The following PRKN variants were observed in gnomAD, a reference collection of about 807,000 sequenced individuals.
PRKN encodes the protein parkin RBR E3 ubiquitin protein ligase.
PRKN carries 56 observed loss-of-function variants against 59.5 expected under a neutral mutation model. The ratio of observed to expected loss-of-function variants is 0.94; its 90% confidence interval spans 0.76 to 1.18. PRKN has a LOEUF of 1.18. PRKN is among the 50% of genes most tolerant of loss of function. The pLI is 0.00. For synonymous variants in PRKN, 250 were observed against 222.1 expected (o/e 1.13, Z -1.12); for missense variants, 657 against 596.4 (o/e 1.10, Z -1.06).
At chr6:162,691,076 C>A (rs1404736959) in intron 1 of PRKN, among the ~76,000 whole-genome samples, 2 of 152,034 alleles carry the variant, frequency 1.3e-5, no homozygotes, top group Non-Finnish European at 2.9e-5. Flanking sequence ...AATAGAATTT[C>A]ACCAGAATTA....
intron 4 of PRKN, among the ~76,000 whole-genome samples, chr6:162,162,363 C>T (rs1220309626): frequency 1.3e-5 from 2 of 152,146 alleles, no homozygotes; most frequent in African/African-American, 2.4e-5. Flanking sequence ...TACCAATTTA[C>T]ATCAGGAACT....
In PRKN at chr6:161,529,284, A is replaced by G. The variant is rs1426436502; in HGVS notation, c.1083+19570T>C. The stretch of plus-strand genomic sequence containing the variant: ...AGACAATGATGGGGATGATGTTGAC[A>G]CCTGGTTGTGGCTGACGGCTGTGTC... On this transcript the variant is annotated intron_variant, in intron 9 of 11. Transcript: ENST00000366898. This position sits in a 1 kb window ranked among gnomAD's most constrained non-coding sequence, Gnocchi z 4.4. Among the ~76,000 whole-genome samples, 1 of 152,154 alleles carries G rather than the reference A, an allele frequency of 6.6e-6. No homozygotes were observed. The highest frequency in any genetic ancestry group is 1.5e-5 in the Non-Finnish European group (1 of 68,024).
intron 7 of PRKN, among the ~76,000 whole-genome samples, chr6:161,631,794 C>CAA (rs56682409): frequency 1.7e-5 from 2 of 120,076 alleles, no homozygotes; most frequent in Non-Finnish European, 4.1e-5. Context: ...CACACACACA[C>CAA]CCCACACACA....
intron 4 of PRKN, among the ~76,000 whole-genome samples, chr6:162,102,825 C>T (rs1333163622): frequency 1.4e-5 from 2 of 144,996 alleles, no homozygotes; most frequent in South Asian, 2.1e-4. Flanking sequence ...AGGCGGATCA[C>T]GAGGTCAGGA....
chr6:162,134,479 C>A (rs1466445058), intron 4 of PRKN, among the ~76,000 whole-genome samples: 1 of 152,084 alleles, frequency 6.6e-6, no homozygotes, highest in Non-Finnish European at 1.5e-5. Context: ...CATTTCAGAG[C>A]TAGGGAGGTG....
At chr6:161,934,783 A>G (rs577058445) in intron 6 of PRKN, among the ~76,000 whole-genome samples, 30 of 152,256 alleles carry the variant, frequency 2.0e-4, no homozygotes, top group Non-Finnish European at 3.4e-4. Context: ...TAGTAAAACA[A>G]TCTCCTCTGA....
chr6:161,425,822 A>T (rs571889684), intron 9 of PRKN, among the ~76,000 whole-genome samples: 2 of 152,176 alleles, frequency 1.3e-5, no homozygotes, highest in African/African-American at 4.8e-5. Context: ...GCCTTGCCAC[A>T]TCAGTAATTC....
Position 162,498,609 on chromosome 6 carries a change from C to T in PRKN, c.8-55136G>A, listed in dbSNP as rs1296543321. ...TACAGGTGTGCACCACCACGCCTGG[C>T]TAATTTTGTATTTTTAGTAGAGATG... On this transcript the variant is annotated intron_variant, in intron 1 of 11. Coordinates refer to ENST00000366898, the MANE Select transcript of PRKN (RefSeq NM_004562.3). Among the ~76,000 whole-genome samples the T allele has an allele frequency of 3.3e-5, 5 of 151,024 alleles. No individual in the cohort carries two copies. The East Asian group carries it at 7.8e-4, about 24-fold the overall frequency.
At chr6:161,957,409 G>GTTGTTT (rs1562418017) in intron 6 of PRKN, among the ~76,000 whole-genome samples, 1 of 127,394 alleles carries the variant, frequency 7.8e-6, no homozygotes. Context: ...TGTTCTTGTT[G>GTTGTTT]TTTTTTTTTT....
chr6:162,444,395 A>G (rs1016969695), intron 1 of PRKN, among the ~76,000 whole-genome samples: 1 of 152,040 alleles, frequency 6.6e-6, no homozygotes, highest in Non-Finnish European at 1.5e-5. Flanking sequence ...GCTGGTGAGG[A>G]AAGACTCCAA....
In PRKN at chr6:161,774,881, C is replaced by T. The variant is rs188493318; in HGVS notation, c.871+10891G>A. ...ATAAAACAGGAAGGAGTTTAAACTCCGAAGCTTAGGAAGTTTGATTTAATT... is the reference window on the plus strand; with the variant it reads ...ATAAAACAGGAAGGAGTTTAAACTCTGAAGCTTAGGAAGTTTGATTTAATT... On this transcript the variant is annotated intron_variant, in intron 7 of 11. Coordinates refer to ENST00000366898, the MANE Select transcript of PRKN (RefSeq NM_004562.3). Among the ~76,000 whole-genome samples the T allele has an allele frequency of 3.4e-4, 51 of 152,224 alleles. No individual in the cohort carries two copies. In the East Asian group the frequency reaches 8.3e-3, roughly 25 times the overall value.
At chr6:162,140,265 C>T (rs1438022699) in intron 4 of PRKN, among the ~76,000 whole-genome samples, 1 of 152,118 alleles carries the variant, frequency 6.6e-6, no homozygotes, top group Non-Finnish European at 1.5e-5. Flanking sequence ...CCCTTCTAGC[C>T]TTTTGCTTTT....
At chr6:161,727,680 G>A (rs1197008651) in intron 7 of PRKN, among the ~76,000 whole-genome samples, 1 of 152,112 alleles carries the variant, frequency 6.6e-6, no homozygotes, top group African/African-American at 2.4e-5. Context: ...TTCTGTGTCT[G>A]CCTTTAGCAA....
intron 6 of PRKN, among the ~76,000 whole-genome samples, chr6:161,935,734 T>C (rs1317910863): frequency 6.6e-6 from 1 of 152,004 alleles, no homozygotes; most frequent in East Asian, 1.9e-4. Context: ...CCCAAAGAAA[T>C]GAGCAGTTTA....
rs1562458867 is a variant in PRKN, at chr6:161,451,988, C to A, written c.1084-65111G>T. On this transcript the variant is annotated intron_variant, in intron 9 of 11. Transcript: ENST00000366898. This position sits in a 1 kb window ranked among gnomAD's most constrained non-coding sequence, Gnocchi z 5.9. ...TTTCTTTTTTTGGGATGGAGTCTCA[C>A]TCTGTTGCCCAGACTGGAGTGCAGT... Among the ~76,000 whole-genome samples the A allele has an allele frequency of 6.6e-6, 1 of 150,778 alleles. No homozygotes were observed. Among genetic ancestry groups the A allele is most frequent in the Non-Finnish European group, 1.5e-5 (1 of 67,902 alleles).
At chr6:162,363,131 C>CAAAAAAAA (rs34722234) in intron 2 of PRKN, among the ~76,000 whole-genome samples, 2 of 98,392 alleles carry the variant, frequency 2.0e-5, no homozygotes, top group Non-Finnish European at 4.2e-5. Context: ...CCTTCTCAAA[C>CAAAAAAAA]AAAAAAAAAA....
chr6:161,500,854 G>A (rs1039024291), intron 9 of PRKN, among the ~76,000 whole-genome samples: 4 of 145,140 alleles, frequency 2.8e-5, no homozygotes, highest in South Asian at 2.2e-4. Flanking sequence ...GTAAGCGTAT[G>A]TTTAGTTTAG....
intron 7 of PRKN, among the ~76,000 whole-genome samples, chr6:161,685,919 AC>A (rs1313388468): frequency 6.6e-6 from 1 of 152,074 alleles, no homozygotes; most frequent in Non-Finnish European, 1.5e-5. Context: ...CAGCAACCTC[AC>A]CCCGGTCCCA....
At chr6:162,288,973 T>G (rs1233051131) in intron 2 of PRKN, among the ~76,000 whole-genome samples, 1 of 152,214 alleles carries the variant, frequency 6.6e-6, no homozygotes, top group African/African-American at 2.4e-5. Context: ...AGAGATTTGT[T>G]GTGGTCTGTA....
Sources: gnomAD v4.1 joint callset for allele counts (sites outside exome capture counted in the v4.1 genomes callset) on GRCh38, gnomAD v4.1.1 for gene constraint, Gnocchi (gnomAD v3.1) non-coding constraint, MANE v1.5 for transcripts, NCBI Gene and HGNC (gene_info 2026-07-23, HGNC 2026-07-21) for gene names.